The following LSM12 variants were observed in gnomAD, a reference collection of about 807,000 sequenced individuals.
LSM12 encodes protein LSM12.
For missense variants in LSM12, 108 were observed against 238.9 expected (o/e 0.45, Z 3.61); for synonymous variants, 74 against 87.3 (o/e 0.85, Z 0.85).
chr17:44,047,103 A>C (rs986384751), intron 2 of LSM12, among the ~76,000 whole-genome samples: 1 of 152,164 alleles, frequency 6.6e-6, no homozygotes, highest in Non-Finnish European at 1.5e-5. Context: ...GATCTCAGCC[A>C]TTTTAGCAGA....
At chr17:44,064,798 G>C (rs1290070448) in intron 1 of LSM12, among the ~76,000 whole-genome samples, 1 of 151,590 alleles carries the variant, frequency 6.6e-6, no homozygotes, top group Non-Finnish European at 1.5e-5. Context: ...TAATGTAAAA[G>C]GTCTTATTTC....
intron 2 of LSM12, among the ~76,000 whole-genome samples, chr17:44,045,490 C>T (rs2144081869): frequency 6.6e-6 from 1 of 152,284 alleles, no homozygotes. Flanking sequence ...AAGCATTCCA[C>T]TATGAGGATA....
chr17:44,037,846 T>A (rs1217305856), intron 3 of LSM12, among the ~76,000 whole-genome samples: 1 of 152,224 alleles, frequency 6.6e-6, no homozygotes, highest in South Asian at 2.1e-4. Context: ...GATAGCAGCC[T>A]AGGGCAGAGG....
chr17:44,051,048 C>T (rs895026930), intron 2 of LSM12, among the ~76,000 whole-genome samples: 8 of 151,952 alleles, frequency 5.3e-5, no homozygotes, highest in African/African-American at 1.2e-4. Context: ...CTGAGGTGGG[C>T]GGATCACGAG....
At chr17:44,057,684 G>C (rs1171706982) in intron 2 of LSM12, among the ~76,000 whole-genome samples, 1 of 151,398 alleles carries the variant, frequency 6.6e-6, no homozygotes, top group Non-Finnish European at 1.5e-5. Flanking sequence ...GCTTGAACCT[G>C]GGAGGCAGAG....
At position 44,055,735 on chromosome 17, in the gene LSM12, TATATA is replaced by T. The variant is rs572868684; in HGVS notation, c.258+8061_258+8065del. Among the ~76,000 whole-genome samples the T allele has an allele frequency of 7.8e-3, 1,139 of 145,432 alleles. 9 individuals carry two copies. The highest frequency in any genetic ancestry group is 0.019 in the African/African-American group (743 of 39,618). ...TAAAATATATATAAAATATATTATA[TATATA>T]ATATATGTGTATATATATAAATAAA... On this transcript the variant is annotated intron_variant, in intron 2 of 4. Coordinates refer to ENST00000293406, the MANE Select transcript of LSM12 (RefSeq NM_001371445.1).
upstream of LSM12, chr17:44,066,809 G>A: frequency 2.3e-6 from 1 of 438,182 alleles, no homozygotes; most frequent in Non-Finnish European, 3.5e-6. Flanking sequence ...GCTCGGTTAA[G>A]TGCTTGTAGA....
At chr17:44,043,553 T>C (rs1356552450) in intron 2 of LSM12, among the ~76,000 whole-genome samples, 1 of 151,152 alleles carries the variant, frequency 6.6e-6, no homozygotes, top group Non-Finnish European at 1.5e-5. Context: ...GTTTCCTTTT[T>C]TTTTTTTTTT....
intron 2 of LSM12, among the ~76,000 whole-genome samples, chr17:44,055,172 A>C (rs1223208265): frequency 3.9e-5 from 6 of 152,040 alleles, no homozygotes; most frequent in African/African-American, 1.4e-4. Context: ...TAACTAAGTT[A>C]ATCATGAGGT....
chr17:44,038,071 G>A (rs913716708), intron 3 of LSM12, among the ~76,000 whole-genome samples: 1 of 152,060 alleles, frequency 6.6e-6, no homozygotes, highest in Non-Finnish European at 1.5e-5. Context: ...AGAACAGGTC[G>A]GGCGCGGTGG....
chr17:44,044,800 A>G (rs978539866), intron 2 of LSM12, among the ~76,000 whole-genome samples: 1 of 152,206 alleles, frequency 6.6e-6, no homozygotes, highest in African/African-American at 2.4e-5. Context: ...TTCTTTTGTA[A>G]AGCAAACGAT....
At chr17:44,063,979 G>A (rs1316698263) in intron 1 of LSM12, 45 bp from the exon 2 acceptor site, 1 of 1,599,058 alleles carries the variant, frequency 6.3e-7, no homozygotes, top group South Asian at 1.1e-5. Context: ...ACAAGCAGAG[G>A]CACTGACACA....
intron 1 of LSM12, among the ~76,000 whole-genome samples, chr17:44,066,136 C>A (rs1261839726): frequency 6.6e-6 from 1 of 151,534 alleles, no homozygotes; most frequent in Non-Finnish European, 1.5e-5. Context: ...TCAGCCCCCT[C>A]CCACCACCAC....
At chr17:44,036,408 G>A (rs2049416276) in intron 4 of LSM12, 108 bp from the exon 5 acceptor site, 2 of 1,425,302 alleles carry the variant, frequency 1.4e-6, no homozygotes. Context: ...CCAGCCCATT[G>A]GTGTCCAGGC....
At chr17:44,042,376 G>A (rs950783156) in intron 2 of LSM12, among the ~76,000 whole-genome samples, 1 of 152,100 alleles carries the variant, frequency 6.6e-6, no homozygotes, top group African/African-American at 2.4e-5. Context: ...TGCTTTTACA[G>A]TGATCCATCA....
chr17:44,041,302 C>CACACACACACACAA (rs2049488113), intron 2 of LSM12, among the ~76,000 whole-genome samples: 1 of 127,426 alleles, frequency 7.8e-6, no homozygotes, highest in Non-Finnish European at 1.7e-5. Flanking sequence ...CACACACACA[C>CACACACACACACAA]ACACACACAC....
chr17:44,038,664 G>C, intron 3 of LSM12, among the ~76,000 whole-genome samples: 1 of 151,950 alleles, frequency 6.6e-6, no homozygotes, highest in East Asian at 1.9e-4. Context: ...AAAAAAAAGA[G>C]AGAGAGAACA....
intron 3 of LSM12, among the ~76,000 whole-genome samples, chr17:44,038,355 CAAAAAA>C (rs767523063): frequency 4.9e-5 from 3 of 61,840 alleles, no homozygotes; most frequent in South Asian, 5.2e-4. Flanking sequence ...GACCCTGTCT[CAAAAAA>C]AAAAAAAAAA....
At chr17:44,040,844 G>C (rs978818043) in intron 2 of LSM12, among the ~76,000 whole-genome samples, 9 of 150,632 alleles carry the variant, frequency 6.0e-5, no homozygotes, top group African/African-American at 2.2e-4. Flanking sequence ...AATTAGCCAG[G>C]CGTGGTGGCG....
Sources: gnomAD v4.1 joint callset for allele counts (sites outside exome capture counted in the v4.1 genomes callset) on GRCh38, gnomAD v4.1.1 for gene constraint, MANE v1.5 for transcripts, NCBI Gene and HGNC (gene_info 2026-07-23, HGNC 2026-07-21) for gene names.